USP54: variants seen among roughly 807,000 people sequenced by gnomAD.
USP54 encodes the protein ubiquitin specific peptidase 54.
A neutral mutation model predicts 170.5 loss-of-function variants in USP54; 87 were observed. That is an observed-to-expected ratio of 0.51 (90% confidence interval 0.43 to 0.61). The LOEUF is 0.61. Ranked by LOEUF, USP54 falls within the 20% of genes least tolerant of loss-of-function variation. USP54 has a pLI of 0.00. For missense variants in USP54, 1,786 were observed against 2,047.8 expected, an observed-to-expected ratio of 0.87 and a Z score of 2.47; for synonymous variants, 655 against 742.8, an observed-to-expected ratio of 0.88 and a Z score of 1.92.
chr10:73,538,188 G>A (rs1317668822), intron 10 of USP54: 1 of 150,354 alleles, frequency 6.7e-6, no homozygotes, highest in African/African-American at 2.5e-5. Flanking sequence ...CTGGGTGACA[G>A]AGCAAGACCC....
At chr10:73,549,960 G>A (rs2068837070) in intron 4 of USP54, among the ~76,000 whole-genome samples, 1 of 152,138 alleles carries the variant, frequency 6.6e-6, no homozygotes, top group South Asian at 2.1e-4. Flanking sequence ...GTCTCACTCT[G>A]TCACCCATGC....
chr10:73,500,862 A>G (rs1207698700), intron 22 of USP54, 24 bp from the exon 23 acceptor site: 1 of 1,586,156 alleles, frequency 6.3e-7, no homozygotes, highest in Non-Finnish European at 8.5e-7. Context: ...AAGACAAAAA[A>G]ACATAGAGAT....
At chr10:73,550,148 C>T (rs920107223) in intron 4 of USP54, among the ~76,000 whole-genome samples, 9 of 152,162 alleles carry the variant, frequency 5.9e-5, no homozygotes, top group South Asian at 2.1e-4. Context: ...GGTCTTGAAT[C>T]CCTGATCTCA....
intron 1 of USP54, among the ~76,000 whole-genome samples, chr10:73,582,815 CA>C (rs944569943): frequency 6.6e-6 from 1 of 152,130 alleles, no homozygotes; most frequent in African/African-American, 2.4e-5. Flanking sequence ...ATAAAAATGA[CA>C]GTATCAAAGT....
rs561336005 is a variant in USP54 at position 73,562,090 on chromosome 10, A to T, written c.240+9331T>A. Among the ~76,000 whole-genome samples the T allele has an allele frequency of 3.3e-5, 5 of 152,046 alleles. No homozygotes were observed. The South Asian group carries it at 1.0e-3, about 32-fold the overall frequency. Reference sequence around the variant, plus strand: ...CACTCCAGCCTGGGTGATAGAGCAAAACTCTGTCTCATTAAAAAAAAGAGA... The same window carrying T: ...CACTCCAGCCTGGGTGATAGAGCAATACTCTGTCTCATTAAAAAAAAGAGA... On this transcript the variant is annotated intron_variant, in intron 4 of 23. Transcript: ENST00000687698.
chr10:73,519,397 T>C (rs755420632), intron 19 of USP54: 3 of 238,138 alleles, frequency 1.3e-5, no homozygotes, highest in African/African-American at 2.2e-5. Context: ...GAAAGACTGC[T>C]TTCTCTGCTT....
chr10:73,606,742 G>C lies in USP54; in HGVS notation c.-18+18825C>G, dbSNP rs1010066814. The stretch of plus-strand genomic sequence containing the variant: ...AAATACAAAAAAATTAGCCAGGTGT[G>C]GTGGCGGGCACCTGCAGTCTCAGCT... On this transcript the variant is annotated intron_variant, in intron 1 of 22. Transcript: ENST00000339859. Among the ~76,000 whole-genome samples, 18 of 152,100 alleles carry C rather than the reference G, an allele frequency of 1.2e-4. No homozygotes were observed. In the South Asian group the frequency reaches 2.9e-3, roughly 25 times the overall value.
At chr10:73,545,836 G>A (rs1468483178) in intron 4 of USP54, among the ~76,000 whole-genome samples, 164 bp from the exon 5 acceptor site, 1 of 152,160 alleles carries the variant, frequency 6.6e-6, no homozygotes, top group East Asian at 1.9e-4. Flanking sequence ...AAAATCAAGA[G>A]TCAGAATGAA....
At chr10:73,521,090 G>A in intron 17 of USP54, 63 bp from the exon 18 acceptor site, 1 of 1,602,666 alleles carries the variant, frequency 6.2e-7, no homozygotes. Flanking sequence ...GTGTACTGTT[G>A]TTTCCCTTCA....
chr10:73,524,506 G>A (rs1173844902), intron 16 of USP54, among the ~76,000 whole-genome samples: 1 of 152,004 alleles, frequency 6.6e-6, no homozygotes, highest in African/African-American at 2.4e-5. Context: ...CTTTAACCCG[G>A]GAGGTGGAGG....
chr10:73,607,577 T>A (rs2079773288), intron 1 of USP54, among the ~76,000 whole-genome samples: 1 of 151,732 alleles, frequency 6.6e-6, no homozygotes, highest in Non-Finnish European at 1.5e-5. Context: ...GCGCCTGTAA[T>A]CCCAACATTT....
In USP54 at chr10:73,525,433, T is replaced by C. The variant is rs78427048; in HGVS notation, c.2194+1214A>G. Among the ~76,000 whole-genome samples, 334 of 152,334 alleles carry C rather than the reference T, an allele frequency of 2.2e-3. 2 individuals carry two copies. The highest frequency in any genetic ancestry group is 0.02 in the Middle Eastern group (6 of 294). Reference sequence around the variant, plus strand: ...TGTGAAGAATCTTGTCATAACTCCTTGCTAATTATCTTTTACCAGTTGAAG... The same window carrying C: ...TGTGAAGAATCTTGTCATAACTCCTCGCTAATTATCTTTTACCAGTTGAAG... On this transcript the variant is annotated intron_variant, in intron 16 of 23. Transcript: ENST00000687698.
intron 1 of USP54, among the ~76,000 whole-genome samples, chr10:73,606,698 G>A (rs1030931397): frequency 1.5e-4 from 23 of 151,924 alleles, no homozygotes; most frequent in African/African-American, 5.5e-4. Flanking sequence ...CTAACACGGT[G>A]AAACCCTGTC....
intron 9 of USP54, 37 bp downstream of exon 9, chr10:73,541,338 G>T (rs1377071958): frequency 1.9e-6 from 3 of 1,612,754 alleles, no homozygotes; most frequent in Admixed American, 1.7e-5. Context: ...TAAGACGCAA[G>T]AACTCAAAGT....
At chr10:73,621,740 A>G (rs2081113799) in intron 1 of USP54, among the ~76,000 whole-genome samples, 2 of 152,182 alleles carry the variant, frequency 1.3e-5, no homozygotes, top group Non-Finnish European at 2.9e-5. Context: ...GAAGCTTACA[A>G]ATATATAATT....
intron 1 of USP54, among the ~76,000 whole-genome samples, chr10:73,576,619 G>A (rs1296402991): frequency 6.6e-6 from 1 of 151,462 alleles, no homozygotes; most frequent in Non-Finnish European, 1.5e-5. Flanking sequence ...GAAGAAAGTT[G>A]ATCTGGATAG....
At chr10:73,517,890 C>CA (rs2061301760) in intron 19 of USP54, 143 bp from the exon 20 acceptor site, 1 of 1,114,432 alleles carries the variant, frequency 9.0e-7, no homozygotes, top group African/African-American at 1.6e-5. Flanking sequence ...CAAGTAGAGT[C>CA]AGTAGTTCAG....
chr10:73,529,976 C>G (rs1476901177), intron 14 of USP54, 65 bp from the exon 15 acceptor site: 8 of 1,497,314 alleles, frequency 5.3e-6, no homozygotes, highest in Non-Finnish European at 7.2e-6. Context: ...AAATCAAGAC[C>G]TAACTAGCTC....
intron 4 of USP54, among the ~76,000 whole-genome samples, chr10:73,559,727 CAA>C (rs376045597): frequency 8.5e-5 from 10 of 117,588 alleles, no homozygotes; most frequent in Admixed American, 1.7e-4. Context: ...GACTCCATCT[CAA>C]AAAAAAAAAA....
Sources: gnomAD v4.1 joint callset for allele counts (sites outside exome capture counted in the v4.1 genomes callset) on GRCh38, gnomAD v4.1.1 for gene constraint, MANE v1.5 for transcripts, NCBI Gene and HGNC (gene_info 2026-07-23, HGNC 2026-07-21) for gene names.